KIRREL3: variants seen among roughly 807,000 people sequenced by gnomAD.
The protein encoded by KIRREL3 is kirre like nephrin family adhesion molecule 3, also known as kin of IRRE-like protein 3.
KIRREL3 carries 36 observed loss-of-function variants against 89.7 expected under a neutral mutation model. That is an observed-to-expected ratio of 0.40 (90% CI 0.31 to 0.53). KIRREL3 has a LOEUF of 0.53. Ranked by LOEUF, KIRREL3 falls within the 20% of genes least tolerant of loss-of-function variation. KIRREL3 has a pLI of 0.49. For missense variants in KIRREL3, 864 were observed against 1,056.6 expected, an observed-to-expected ratio of 0.82 and a Z score of 2.53; for synonymous variants, 445 against 441.4, an observed-to-expected ratio of 1.01 and a Z score of -0.10.
At position 126,647,795 on chromosome 11, in the gene KIRREL3, GGAGCC is replaced by G. The variant is rs563397776; in HGVS notation, c.56-84888_56-84884del. 6.6e-6 allele frequency among the ~76,000 whole-genome samples: 1 copy of G among 152,164 alleles called. No individual in the cohort carries two copies. The highest frequency in any genetic ancestry group is 1.5e-5 in the Non-Finnish European group (1 of 68,030). Reference sequence around the variant, plus strand: ...GTGCTTTTAAAAACCTAAGTCAGAGGGAGCCGTTCCTTTGTTCAGAACGGTGCAGA... The same window carrying G: ...GTGCTTTTAAAAACCTAAGTCAGAGGGTTCCTTTGTTCAGAACGGTGCAGA... On this transcript the variant is annotated intron_variant, in intron 1 of 16. Transcript: ENST00000525144. The surrounding 1 kb of genome is among the most constrained non-coding windows in gnomAD (Gnocchi z 4.9).
rs1957845473 is a variant in KIRREL3, at chr11:126,501,086, T to G, written c.433+20229A>C. On this transcript the variant is annotated intron_variant, in intron 4 of 16. Coordinates refer to ENST00000525144, the MANE Select transcript of KIRREL3 (RefSeq NM_032531.4). The surrounding 1 kb of genome is among the most constrained non-coding windows in gnomAD (Gnocchi z 5.8). ...CCTCTCCCAGCCTCCTCCTCTGGGT[T>G]TCATTTCCTTGCTGTGAGCCTTGTG... 6.6e-6 allele frequency among the ~76,000 whole-genome samples: 1 copy of G among 152,184 alleles called. No homozygotes were observed. The highest frequency in any genetic ancestry group is 6.5e-5 in the Admixed American group (1 of 15,278).
At position 126,558,478 on chromosome 11, in the gene KIRREL3, C is replaced by G. The variant is rs1001338455; in HGVS notation, c.133+4357G>C. ...GGTCTCAGCCTCCTCTTCCAGAAGTCTAAGAGCCCTGGGTGTCTGGAGCCC... is the reference window on the plus strand; with the variant it reads ...GGTCTCAGCCTCCTCTTCCAGAAGTGTAAGAGCCCTGGGTGTCTGGAGCCC... On this transcript the variant is annotated intron_variant, in intron 2 of 16. Coordinates refer to ENST00000525144, the MANE Select transcript of KIRREL3 (RefSeq NM_032531.4). The surrounding 1 kb of genome is among the most constrained non-coding windows in gnomAD (Gnocchi z 4.0). Among the ~76,000 whole-genome samples, 39 of 147,730 alleles carry G rather than the reference C, an allele frequency of 2.6e-4. No individual in the cohort carries two copies. Among genetic ancestry groups the G allele is most frequent in the African/African-American group, 1.0e-3 (39 of 37,442 alleles).
At chr11:126,461,730 A>G (rs1956550734) in intron 6 of KIRREL3, among the ~76,000 whole-genome samples, 1 of 152,140 alleles carries the variant, frequency 6.6e-6, no homozygotes. Context: ...ATGAGCTCTC[A>G]GAACCTTAAG....
At position 126,485,836 on chromosome 11, in the gene KIRREL3, C is replaced by A. The variant is rs1004295165; in HGVS notation, c.434-12370G>T. On this transcript the variant is annotated intron_variant, in intron 4 of 16. Coordinates refer to ENST00000525144, the MANE Select transcript of KIRREL3 (RefSeq NM_032531.4). This position sits in a 1 kb window ranked among gnomAD's most constrained non-coding sequence, Gnocchi z 5.8. ...AGAGCGATGACAAGGAGGTCACAGACCCAAAGATCCCACAGCTGTACAGGT... is the reference window on the plus strand; with the variant it reads ...AGAGCGATGACAAGGAGGTCACAGAACCAAAGATCCCACAGCTGTACAGGT... Among the ~76,000 whole-genome samples the A allele has an allele frequency of 4.6e-5, 7 of 152,202 alleles. No homozygotes were observed. Among genetic ancestry groups the A allele is most frequent in the Non-Finnish European group, 7.3e-5 (5 of 68,040 alleles).
Position 126,669,677 on chromosome 11 carries a change from T to A in KIRREL3, c.56-106765A>T, listed in dbSNP as rs146342003. Among the ~76,000 whole-genome samples the A allele has an allele frequency of 5.4e-3, 825 of 152,312 alleles. 6 individuals carry two copies. The highest frequency in any genetic ancestry group is 0.019 in the African/African-American group (796 of 41,558). On this transcript the variant is annotated intron_variant, in intron 1 of 16. Transcript: ENST00000525144. This position sits in a 1 kb window ranked among gnomAD's most constrained non-coding sequence, Gnocchi z 5.0. ...GTTGGAGGACTCCTGCACTTCCTCGTGGGCTTTTCTCTCTTCTCCATTTAC... is the reference window on the plus strand; with the variant it reads ...GTTGGAGGACTCCTGCACTTCCTCGAGGGCTTTTCTCTCTTCTCCATTTAC...
Position 126,608,856 on chromosome 11 carries a change from T to A in KIRREL3, c.56-45944A>T, listed in dbSNP as rs1286875344. Reference sequence around the variant, plus strand: ...GGAGATGGGCAATGGGGATGCCTGATGAGACCTATGTCCAGGACAGGAGGG... The same window carrying A: ...GGAGATGGGCAATGGGGATGCCTGAAGAGACCTATGTCCAGGACAGGAGGG... On this transcript the variant is annotated intron_variant, in intron 1 of 16. Coordinates refer to ENST00000525144, the MANE Select transcript of KIRREL3 (RefSeq NM_032531.4). The surrounding 1 kb of genome is among the most constrained non-coding windows in gnomAD (Gnocchi z 4.9). Among the ~76,000 whole-genome samples, 1 of 152,072 alleles carries A rather than the reference T, an allele frequency of 6.6e-6. No homozygotes were observed. Among genetic ancestry groups the A allele is most frequent in the Non-Finnish European group, 1.5e-5 (1 of 68,008 alleles).
At position 126,817,097 on chromosome 11, in the gene KIRREL3, C is replaced by A. The variant is rs1407234633; in HGVS notation, c.55+183358G>T. 6.6e-6 allele frequency among the ~76,000 whole-genome samples: 1 copy of A among 151,978 alleles called. No individual in the cohort carries two copies. Among genetic ancestry groups the A allele is most frequent in the African/African-American group, 2.4e-5 (1 of 41,354 alleles). On this transcript the variant is annotated intron_variant, in intron 1 of 16. Coordinates refer to ENST00000525144, the MANE Select transcript of KIRREL3 (RefSeq NM_032531.4). This position sits in a 1 kb window ranked among gnomAD's most constrained non-coding sequence, Gnocchi z 5.7. The stretch of plus-strand genomic sequence containing the variant: ...GGAGAAAAATAACAAATGAGGAAAG[C>A]CAACACTATTAAAATTAATAGGAAA...
chr11:126,628,580 C>A lies in KIRREL3; in HGVS notation c.56-65668G>T, dbSNP rs144262294. ...TTTCAGCAACTTGTTCTATTGCCAA[C>A]CTTTCTATAAGCCTTCTTCTGAGAT... On this transcript the variant is annotated intron_variant, in intron 1 of 16. Transcript: ENST00000525144. This position sits in a 1 kb window ranked among gnomAD's most constrained non-coding sequence, Gnocchi z 5.2. Among the ~76,000 whole-genome samples the A allele has an allele frequency of 2.8e-3, 428 of 152,298 alleles. 5 individuals are homozygous for A. Among genetic ancestry groups the A allele is most frequent in the African/African-American group, 9.8e-3 (407 of 41,568 alleles).
At position 126,531,719 on chromosome 11, in the gene KIRREL3, C is replaced by A. The variant is rs1306938216; in HGVS notation, c.134-5032G>T. ...CCTCTTTTTCATCAATTTCTCCAAA[C>A]CTTTATTGAGCACCTACTATATGTC... On this transcript the variant is annotated intron_variant, in intron 2 of 16. Coordinates refer to ENST00000525144, the MANE Select transcript of KIRREL3 (RefSeq NM_032531.4). This position sits in a 1 kb window ranked among gnomAD's most constrained non-coding sequence, Gnocchi z 4.7. Among the ~76,000 whole-genome samples, 1 of 152,180 alleles carries A rather than the reference C, an allele frequency of 6.6e-6. No homozygotes were observed. Among genetic ancestry groups the A allele is most frequent in the African/African-American group, 2.4e-5 (1 of 41,442 alleles).
chr11:126,631,124 T>TCATTCATTCATTC (rs1555165622), intron 1 of KIRREL3, among the ~76,000 whole-genome samples: 1 of 106,658 alleles, frequency 9.4e-6, no homozygotes, highest in Non-Finnish European at 2.1e-5. Context: ...TGTATGTATG[T>TCATTCATTCATTC]ATTCATTCAT....
intron 1 of KIRREL3, among the ~76,000 whole-genome samples, chr11:126,583,586 A>G (rs1269965596): frequency 6.6e-6 from 1 of 152,230 alleles, no homozygotes; most frequent in Non-Finnish European, 1.5e-5. Flanking sequence ...CTTAGGTTCA[A>G]ATCCCAGCGT....
rs1170034341 is a variant in KIRREL3 at position 126,999,190 on chromosome 11, C to T, written c.55+1265G>A. Among the ~76,000 whole-genome samples, 4 of 151,722 alleles carry T rather than the reference C, an allele frequency of 2.6e-5. No homozygotes were observed. Among genetic ancestry groups the T allele is most frequent in the Admixed American group, 2.6e-4 (4 of 15,240 alleles). On this transcript the variant is annotated intron_variant, in intron 1 of 16. Transcript: ENST00000525144. This position sits in a 1 kb window ranked among gnomAD's most constrained non-coding sequence, Gnocchi z 5.7. ...TGTGTGTACATACATTATCATTATA[C>T]ACAGGCATTAGTATGCACATACAAA...
At chr11:126,451,132 CATGTGT>C (rs979897297) in intron 7 of KIRREL3, among the ~76,000 whole-genome samples, 23 of 111,986 alleles carry the variant, frequency 2.1e-4, no homozygotes, top group Non-Finnish European at 3.3e-4. Flanking sequence ...TGTGCATGTG[CATGTGT>C]GTGCATGTGT....
rs1246617071 is a variant in KIRREL3, at chr11:126,575,245, C to T, written c.56-12333G>A. On this transcript the variant is annotated intron_variant, in intron 1 of 16. Transcript: ENST00000525144. This position sits in a 1 kb window ranked among gnomAD's most constrained non-coding sequence, Gnocchi z 7.0. Reference sequence around the variant, plus strand: ...GCTTTGGACAGTCGGGGCAGGTTCTCTCTTGGCTCCTGAGGCCAAGAGAAG... The same window carrying T: ...GCTTTGGACAGTCGGGGCAGGTTCTTTCTTGGCTCCTGAGGCCAAGAGAAG... Among the ~76,000 whole-genome samples the T allele has an allele frequency of 6.6e-6, 1 of 152,228 alleles. No individual in the cohort carries two copies. The highest frequency in any genetic ancestry group is 1.5e-5 in the Non-Finnish European group (1 of 68,038).
intron 1 of KIRREL3, among the ~76,000 whole-genome samples, chr11:126,727,038 T>G (rs1401891455): frequency 6.6e-6 from 1 of 152,208 alleles, no homozygotes; most frequent in African/African-American, 2.4e-5. Flanking sequence ...TTCACTCATC[T>G]AGATACATCA....
rs1948876360 is a variant in KIRREL3, at chr11:126,954,800, T to G, written c.55+45655A>C. The stretch of plus-strand genomic sequence containing the variant: ...CTTGAACAACTTTATCAGAAAGTTT[T>G]TTCTCATAGAAGGCAGAAATTTATC... On this transcript the variant is annotated intron_variant, in intron 1 of 16. Coordinates refer to ENST00000525144, the MANE Select transcript of KIRREL3 (RefSeq NM_032531.4). The surrounding 1 kb of genome is among the most constrained non-coding windows in gnomAD (Gnocchi z 4.1). 6.6e-6 allele frequency among the ~76,000 whole-genome samples: 1 copy of G among 152,204 alleles called. No homozygotes were observed. Among genetic ancestry groups the G allele is most frequent in the Non-Finnish European group, 1.5e-5 (1 of 68,036 alleles).
At chr11:126,538,354 A>G (rs923326918) in intron 2 of KIRREL3, among the ~76,000 whole-genome samples, 7 of 152,196 alleles carry the variant, frequency 4.6e-5, no homozygotes, top group Non-Finnish European at 1.0e-4. Flanking sequence ...TTATGAGATT[A>G]AGGGAAGCTG....
In KIRREL3 at chr11:126,424,697, A is replaced by G; in HGVS notation, c.2220T>C (p.Tyr740=). Residue 740 remains tyrosine (Y), a synonymous_variant, in exon 17 of 17, where the codon TAT becomes TAC. Coordinates refer to ENST00000525144, the MANE Select transcript of KIRREL3 (RefSeq NM_032531.4). ...SVSSSGKQDG[Y]VQFDKASKAS... is the part of the protein sequence containing the mutation. ...CCTTGCTGGCCTTGTCGAACTGCAC[A>G]TAGCCATCCTGCTTGCCGCTGCTGC... The G allele has an allele frequency of 3.1e-6, 5 of 1,614,050 alleles. No individual in the cohort carries two copies. Among genetic ancestry groups the G allele is most frequent in the Non-Finnish European group, 4.2e-6 (5 of 1,179,892 alleles).
intron 7 of KIRREL3, among the ~76,000 whole-genome samples, chr11:126,451,335 T>TGTCTGCATGTGTGAGC (rs1555109138): frequency 7.1e-6 from 1 of 141,088 alleles, no homozygotes; most frequent in Non-Finnish European, 1.5e-5. Context: ...CATTAGTGAG[T>TGTCTGCATGTGTGAGC]GTGTGCATGT....
Sources: gnomAD v4.1 joint callset for allele counts (sites outside exome capture counted in the v4.1 genomes callset) on GRCh38, gnomAD v4.1.1 for gene constraint, Gnocchi (gnomAD v3.1) non-coding constraint, MANE v1.5 for transcripts, NCBI Gene and HGNC (gene_info 2026-07-23, HGNC 2026-07-21) for gene names.